Variants in APBB2 observed in about 807,000 individuals in gnomAD.
The protein encoded by APBB2 is amyloid beta precursor protein binding family B member 2, also known as Fe65-like 1.
In APBB2, 38 loss-of-function variants were observed where a neutral mutation model predicts 82.5. That is an observed-to-expected ratio of 0.46 (90% confidence interval 0.36 to 0.60). The LOEUF is 0.60. Among genes scored for constraint, APBB2 ranks in the 20% least tolerant of loss-of-function variants. The pLI is 0.00. For missense variants in APBB2, 772 were observed against 972.3 expected (o/e 0.79, Z 2.74); for synonymous variants, 341 against 368.2 (o/e 0.93, Z 0.85).
At chr4:40,881,534 CTT>C (rs71198611) in intron 12 of APBB2, 333 of 145,678 alleles carry the variant, frequency 2.3e-3, no homozygotes, top group Non-Finnish European at 3.7e-3. Flanking sequence ...TTTTCTTTTT[CTT>C]TTTTTTTTTT....
At chr4:40,824,237 G>GGTGCCTTAGAC (rs1749078528) in intron 15 of APBB2, among the ~76,000 whole-genome samples, 1 of 152,060 alleles carries the variant, frequency 6.6e-6, no homozygotes, top group Admixed American at 6.6e-5. Flanking sequence ...CCGGGGACCT[G>GGTGCCTTAGAC]GTGCCTTAGA....
intron 1 of APBB2, among the ~76,000 whole-genome samples, chr4:41,143,992 G>C (rs966662573): frequency 6.6e-6 from 1 of 152,226 alleles, no homozygotes; most frequent in Non-Finnish European, 1.5e-5. Context: ...CTCACTGGTG[G>C]TGCAGCTAGC....
At chr4:41,099,038 C>T (rs1744477450) in intron 3 of APBB2, among the ~76,000 whole-genome samples, 1 of 151,490 alleles carries the variant, frequency 6.6e-6, no homozygotes, top group African/African-American at 2.4e-5. Context: ...TTTTAAATTC[C>T]ACTGACAATA....
intron 6 of APBB2, chr4:40,990,292 TCC>T (rs1491288673): frequency 6.4e-4 from 96 of 150,676 alleles, no homozygotes; most frequent in South Asian, 1.3e-3. Context: ...TTCTTCTCTC[TCC>T]CTCTCTCTTT....
intron 3 of APBB2, among the ~76,000 whole-genome samples, chr4:41,088,865 C>T (rs1740769376): frequency 6.6e-6 from 1 of 152,128 alleles, no homozygotes; most frequent in Non-Finnish European, 1.5e-5. Context: ...AGCTGGTCCC[C>T]ACAGTGCTGG....
At chr4:41,163,129 T>C (rs1355308416) in intron 1 of APBB2, among the ~76,000 whole-genome samples, 1 of 152,184 alleles carries the variant, frequency 6.6e-6, no homozygotes, top group Non-Finnish European at 1.5e-5. Flanking sequence ...TGGAGCAACA[T>C]GCAATGTGAC....
At position 41,136,983 on chromosome 4, in the gene APBB2, T is replaced by C. The variant is rs185748640; in HGVS notation, c.-261+6004A>G. On this transcript the variant is annotated intron_variant, in intron 2 of 17. Coordinates refer to ENST00000508593, the MANE Select transcript of APBB2 (RefSeq NM_004307.2). ...ATATATATATTTTGCAATCTTCACA[T>C]TTCTAATATAATTATTTTAATGTCT... Among the ~76,000 whole-genome samples, 938 of 152,316 alleles carry C rather than the reference T, an allele frequency of 6.2e-3. 9 individuals carry two copies. Among genetic ancestry groups the C allele is most frequent in the African/African-American group, 0.019 (779 of 41,576 alleles).
At chr4:40,845,433 G>A in intron 12 of APBB2, among the ~76,000 whole-genome samples, 1 of 152,022 alleles carries the variant, frequency 6.6e-6, no homozygotes, top group East Asian at 1.9e-4. Context: ...CACATGAGCC[G>A]CACATCCCAA....
In APBB2 at chr4:40,826,648, T is replaced by C. The variant is rs1750050623; in HGVS notation, c.1732+484A>G. 6.4e-6 allele frequency: 1 copy of C among 156,726 alleles called. No individual in the cohort carries two copies. Among genetic ancestry groups the C allele is most frequent in the African/African-American group, 2.4e-5 (1 of 41,402 alleles). 9.7% of individuals were successfully genotyped at this position (156,726 alleles called of 1,614,324 possible). On this transcript the variant is annotated intron_variant, in intron 14 of 17. Coordinates refer to ENST00000508593, the MANE Select transcript of APBB2 (RefSeq NM_004307.2). The surrounding 1 kb of genome is among the most constrained non-coding windows in gnomAD (Gnocchi z 4.5). ...GAACCACCGCGCCTGGCCCATGTTT[T>C]CTTTTTTTAAGATTAGTCAAGTATA...
intron 12 of APBB2, among the ~76,000 whole-genome samples, chr4:40,836,997 G>C (rs1754167842): frequency 6.6e-6 from 1 of 152,202 alleles, no homozygotes; most frequent in African/African-American, 2.4e-5. Context: ...CAATCCCAGT[G>C]TCATGATGCT....
intron 6 of APBB2, among the ~76,000 whole-genome samples, chr4:40,954,548 T>C (rs1023831154): frequency 4.6e-5 from 7 of 152,156 alleles, no homozygotes; most frequent in Admixed American, 6.5e-5. Flanking sequence ...CCTGGAGGGC[T>C]TGTGAGAACG....
intron 10 of APBB2, among the ~76,000 whole-genome samples, chr4:40,930,448 T>TGC (rs1174752964): frequency 8.3e-3 from 551 of 66,520 alleles, no homozygotes; most frequent in African/African-American, 0.01. Context: ...TGTGTGTGTG[T>TGC]GCGCGCGCGC....
At chr4:41,045,372 C>A (rs977951380) in intron 4 of APBB2, among the ~76,000 whole-genome samples, 1 of 152,128 alleles carries the variant, frequency 6.6e-6, no homozygotes, top group Non-Finnish European at 1.5e-5. Flanking sequence ...CGGCTCACTG[C>A]AAGCTCCGCC....
chr4:41,176,427 G>A (rs946657912), intron 1 of APBB2, among the ~76,000 whole-genome samples: 18 of 152,036 alleles, frequency 1.2e-4, no homozygotes, highest in Admixed American at 1.1e-3. Flanking sequence ...GGACAAGCTG[G>A]GTTACATTAG....
intron 6 of APBB2, among the ~76,000 whole-genome samples, chr4:40,994,179 C>G (rs1579083216): frequency 6.6e-6 from 1 of 151,332 alleles, no homozygotes; most frequent in African/African-American, 2.4e-5. Context: ...CCCAGCTACT[C>G]GGGAGGCTGA....
At chr4:40,871,024 A>G (rs1196852301) in intron 12 of APBB2, among the ~76,000 whole-genome samples, 1 of 150,678 alleles carries the variant, frequency 6.6e-6, no homozygotes, top group East Asian at 2.0e-4. Flanking sequence ...ATATATGTGT[A>G]AGTGTCTCTC....
At chr4:40,830,863 G>A (rs60618647) in intron 12 of APBB2, among the ~76,000 whole-genome samples, 3,069 of 152,104 alleles carry the variant, frequency 0.02, 105 homozygotes, top group African/African-American at 0.071. Flanking sequence ...GAGGCCAGAA[G>A]TTTGAGACCA....
chr4:40,941,384 A>C (rs1786868993), intron 7 of APBB2, among the ~76,000 whole-genome samples: 1 of 152,194 alleles, frequency 6.6e-6, no homozygotes, highest in Non-Finnish European at 1.5e-5. Context: ...AAGGCTCCAT[A>C]TGTGACATAG....
intron 1 of APBB2, among the ~76,000 whole-genome samples, chr4:41,168,348 G>A (rs1193432536): frequency 1.3e-5 from 2 of 150,620 alleles, no homozygotes; most frequent in African/African-American, 4.9e-5. Flanking sequence ...TTTGTCTGTT[G>A]AAGCCAACAT....
Sources: gnomAD v4.1 joint callset for allele counts (sites outside exome capture counted in the v4.1 genomes callset) on GRCh38, gnomAD v4.1.1 for gene constraint, Gnocchi (gnomAD v3.1) non-coding constraint, MANE v1.5 for transcripts, NCBI Gene and HGNC (gene_info 2026-07-23, HGNC 2026-07-21) for gene names.